Variants in ANKS1B observed in about 807,000 individuals in gnomAD.
ANKS1B encodes the protein ankyrin repeat and sterile alpha motif domain containing 1B.
Under a neutral mutation model 148.3 loss-of-function variants are expected in ANKS1B, and 36 were observed. The ratio of observed to expected loss-of-function variants is 0.24; its 90% confidence interval spans 0.19 to 0.32. The LOEUF (loss-of-function observed/expected upper bound fraction) is 0.32. Among genes scored for constraint, ANKS1B ranks in the 10% least tolerant of loss-of-function variants. The pLI, the probability that ANKS1B is intolerant of heterozygous loss-of-function variation, is 1.00. For synonymous variants in ANKS1B, 542 were observed against 560.8 expected (o/e 0.97, Z 0.47); for missense variants, 1,157 against 1,542.6 (o/e 0.75, Z 4.19).
intron 1 of ANKS1B, among the ~76,000 whole-genome samples, chr12:99,830,856 G>A (rs750591090): frequency 6.6e-6 from 1 of 152,054 alleles, no homozygotes; most frequent in South Asian, 2.1e-4. Context: ...ATATAAGTAT[G>A]CTTGCACCTT....
At chr12:99,087,806 A>G (rs1300364734) in intron 15 of ANKS1B, among the ~76,000 whole-genome samples, 1 of 152,230 alleles carries the variant, frequency 6.6e-6, no homozygotes, top group Non-Finnish European at 1.5e-5. Flanking sequence ...CATAGTGTGC[A>G]TAGCTACTAT....
chr12:99,895,666 C>G (rs2093355228), intron 1 of ANKS1B, among the ~76,000 whole-genome samples: 1 of 141,948 alleles, frequency 7.0e-6, no homozygotes, highest in African/African-American at 2.4e-5. Context: ...AGAGTACCAA[C>G]CACAAAAAAA....
downstream of ANKS1B, among the ~76,000 whole-genome samples, chr12:98,739,253 A>T (rs181682354): frequency 2.6e-3 from 394 of 152,318 alleles, 1 homozygote; most frequent in African/African-American, 9.1e-3. Flanking sequence ...ACTCACTTGC[A>T]TCAGGACAGA....
intron 12 of ANKS1B, among the ~76,000 whole-genome samples, chr12:99,248,941 G>A (rs1048871921): frequency 2.0e-5 from 3 of 152,166 alleles, no homozygotes; most frequent in African/African-American, 7.2e-5. Context: ...TGGACTAAAA[G>A]CATCAGAGCT....
chr12:99,045,592 C>T (rs1279087226), intron 17 of ANKS1B, among the ~76,000 whole-genome samples: 2 of 152,178 alleles, frequency 1.3e-5, no homozygotes, highest in Non-Finnish European at 1.5e-5. Flanking sequence ...ATGGGGCCCT[C>T]ACCTACAGGG....
chr12:99,079,159 A>G (rs2048828516), intron 16 of ANKS1B, among the ~76,000 whole-genome samples: 1 of 152,204 alleles, frequency 6.6e-6, no homozygotes, highest in African/African-American at 2.4e-5. Flanking sequence ...AGATCCAGAG[A>G]CAGAGGACCC....
chr12:99,582,573 T>C (rs577271902), intron 9 of ANKS1B, among the ~76,000 whole-genome samples: 1 of 152,294 alleles, frequency 6.6e-6, no homozygotes, highest in Admixed American at 6.5e-5. Context: ...TGTGAATGAA[T>C]TCAGGACACA....
intron 9 of ANKS1B, chr12:99,647,849 G>A (rs2098386501): frequency 9.4e-6 from 3 of 319,034 alleles, no homozygotes; most frequent in African/African-American, 6.2e-5. Context: ...GGAATATCAG[G>A]CTCAAATGGA....
intron 17 of ANKS1B, among the ~76,000 whole-genome samples, chr12:98,928,165 T>C (rs1180332371): frequency 2.6e-5 from 4 of 151,564 alleles, no homozygotes; most frequent in Non-Finnish European, 4.4e-5. Context: ...AACAACTGTA[T>C]GCCAACAAAT....
At chr12:99,876,738 A>T (rs2092098012) in intron 1 of ANKS1B, among the ~76,000 whole-genome samples, 1 of 149,068 alleles carries the variant, frequency 6.7e-6, no homozygotes, top group Admixed American at 6.8e-5. Flanking sequence ...TCACAAAAAA[A>T]AAAAAAGAGA....
intron 17 of ANKS1B, among the ~76,000 whole-genome samples, chr12:98,980,735 A>C (rs1234840081): frequency 6.6e-6 from 1 of 152,292 alleles, no homozygotes. Context: ...AAAAATCCAG[A>C]TCTAAAGTCC....
intron 8 of ANKS1B, among the ~76,000 whole-genome samples, chr12:99,711,766 A>T (rs895750120): frequency 6.6e-6 from 1 of 152,208 alleles, no homozygotes; most frequent in East Asian, 1.9e-4. Flanking sequence ...AATTAGTTCA[A>T]CCATTGTGGA....
chr12:99,862,465 T>C (rs1163405508), intron 1 of ANKS1B, among the ~76,000 whole-genome samples: 3 of 152,212 alleles, frequency 2.0e-5, no homozygotes, highest in Admixed American at 6.5e-5. Context: ...CCACCTCCTA[T>C]GCTATAAAAT....
At chr12:99,886,360 A>G (rs1382966655) in intron 1 of ANKS1B, among the ~76,000 whole-genome samples, 7 of 152,230 alleles carry the variant, frequency 4.6e-5, no homozygotes, top group Non-Finnish European at 1.0e-4. Flanking sequence ...AGCAGTACAA[A>G]GTGTCTGAAA....
intron 12 of ANKS1B, among the ~76,000 whole-genome samples, chr12:99,289,375 C>T (rs2079587554): frequency 6.6e-6 from 1 of 151,952 alleles, no homozygotes; most frequent in Non-Finnish European, 1.5e-5. Flanking sequence ...ACAGAAAAAT[C>T]AACAAAGAAA....
At chr12:99,837,120 G>A (rs927238334) in intron 1 of ANKS1B, among the ~76,000 whole-genome samples, 1 of 152,076 alleles carries the variant, frequency 6.6e-6, no homozygotes, top group Non-Finnish European at 1.5e-5. Flanking sequence ...TCAAAAAGAC[G>A]GCACAGTCAA....
intron 12 of ANKS1B, among the ~76,000 whole-genome samples, chr12:99,297,715 G>A (rs1052731052): frequency 2.0e-5 from 3 of 151,978 alleles, no homozygotes; most frequent in Admixed American, 6.6e-5. Context: ...CTTCATGGTG[G>A]GCTTAGCTTT....
At chr12:99,044,938 C>T (rs1219896797) in intron 17 of ANKS1B, among the ~76,000 whole-genome samples, 1 of 152,094 alleles carries the variant, frequency 6.6e-6, no homozygotes, top group Non-Finnish European at 1.5e-5. Flanking sequence ...GATTCAAAGT[C>T]AAGTGACCTG....
intron 1 of ANKS1B, among the ~76,000 whole-genome samples, chr12:99,913,469 T>C (rs909311616): frequency 6.6e-6 from 1 of 152,198 alleles, no homozygotes; most frequent in African/African-American, 2.4e-5. Context: ...AAGAAAGCTA[T>C]AAATAATATA....
Sources: gnomAD v4.1 joint callset for allele counts (sites outside exome capture counted in the v4.1 genomes callset) on GRCh38, gnomAD v4.1.1 for gene constraint, MANE v1.5 for transcripts, NCBI Gene and HGNC (gene_info 2026-07-23, HGNC 2026-07-21) for gene names.